PLXNA1: variants seen among roughly 807,000 people sequenced by gnomAD.
PLXNA1 encodes plexin A1.
PLXNA1 carries 77 observed loss-of-function variants against 191.7 expected under a neutral mutation model. The ratio of observed to expected loss-of-function variants is 0.40; its 90% CI spans 0.33 to 0.49. PLXNA1 has a LOEUF of 0.49. Ranked by LOEUF, PLXNA1 falls within the 20% of genes least tolerant of loss-of-function variation. The pLI, the probability that PLXNA1 is intolerant of heterozygous loss-of-function variation, is 0.63. For missense variants in PLXNA1, 2,110 were observed against 2,660.2 expected, an observed-to-expected ratio of 0.79 and a Z score of 4.55; for synonymous variants, 1,137 against 1,156.4, an observed-to-expected ratio of 0.98 and a Z score of 0.34.
chr3:127,006,196 C>T lies in PLXNA1; in HGVS notation c.1997+18C>T. The stretch of plus-strand genomic sequence containing the variant: ...CACCAGTCGTGAGTGTCTCTAGGCC[C>T]CTCCGCCCGCCTGGGCCTGGGCTAC... On this transcript the variant is annotated intron_variant, in intron 8 of 31. Transcript: ENST00000393409. The T allele has an allele frequency of 6.3e-7, 1 of 1,594,866 alleles. No homozygotes were observed. Among genetic ancestry groups the T allele is most frequent in the Non-Finnish European group, 8.6e-7 (1 of 1,163,330 alleles).
rs569459380 is a variant in PLXNA1 at position 127,022,204 on chromosome 3, C to T, written c.4158C>T (p.Arg1386=). ...EAQRSFSMRD[R]GNVASLIMTA... Reference sequence around the variant, plus strand: ...AGCGCAGCTTCTCCATGCGCGACCGCGGGAATGTGGCCTCGCTCATCATGA... The same window carrying T: ...AGCGCAGCTTCTCCATGCGCGACCGTGGGAATGTGGCCTCGCTCATCATGA... The change falls in exon 22 of 32, where the codon CGC becomes CGT. Residue 1386 remains arginine, a synonymous_variant. Transcript: ENST00000393409. The T allele has an allele frequency of 1.7e-5, 27 of 1,613,370 alleles. No homozygotes were observed. The highest frequency in any genetic ancestry group is 1.2e-4 in the African/African-American group (9 of 75,054).
At chr3:127,029,664 G>T (rs188411138) in intron 27 of PLXNA1, 128 bp downstream of exon 27, 2 of 1,127,108 alleles carry the variant, frequency 1.8e-6, no homozygotes, top group Non-Finnish European at 2.6e-6. Flanking sequence ...CCTGTCACTC[G>T]CACTCTTGGC....
chr3:127,005,425 T>C (rs910822527), intron 7 of PLXNA1, among the ~76,000 whole-genome samples, 182 bp downstream of exon 7: 5 of 152,134 alleles, frequency 3.3e-5, no homozygotes, highest in East Asian at 1.9e-4. Flanking sequence ...CCTCCAGGCA[T>C]GTAGCCAGAG....
chr3:126,984,778 A>G (rs1474779368), intron 1 of PLXNA1, among the ~76,000 whole-genome samples: 1 of 152,204 alleles, frequency 6.6e-6, no homozygotes, highest in African/African-American at 2.4e-5. Context: ...TGGCCCCCCA[A>G]GGTCGTTGCC....
chr3:127,032,275 G>A (rs569323903), intron 29 of PLXNA1, 112 bp from the exon 30 acceptor site: 32 of 1,097,782 alleles, frequency 2.9e-5, no homozygotes, highest in Admixed American at 6.7e-5. Flanking sequence ...TCGTTTCCCC[G>A]TCTGCATGGA....
chr3:126,987,767 G>A (rs1026378110), intron 1 of PLXNA1, among the ~76,000 whole-genome samples: 3 of 152,148 alleles, frequency 2.0e-5, no homozygotes, highest in African/African-American at 7.2e-5. Flanking sequence ...GGAAGGGGCC[G>A]TGTGGCGGGG....
chr3:127,005,126 G>A lies in PLXNA1; in HGVS notation c.1780G>A (p.Ala594Thr). Residue 594 changes from alanine (A) to threonine (T), a missense_variant, in exon 7 of 32, where the codon GCT becomes ACT. Ala to Thr is a moderately conservative substitution (Grantham distance 58). Coordinates refer to ENST00000393409, the MANE Select transcript of PLXNA1 (RefSeq NM_032242.4). The part of the protein sequence containing the change: ...LQAWNVPDLS[A>T]GVNCSFEDFT... ...GGCCTGGAACGTGCCTGACCTCTCA[G>A]CTGGCGTCAACTGCTCCTTCGAGGA... is the stretch of plus-strand genomic sequence containing the variant. 1 of 1,612,794 alleles carries A rather than the reference G, an allele frequency of 6.2e-7. No homozygotes were observed. The highest frequency in any genetic ancestry group is 8.5e-7 in the Non-Finnish European group (1 of 1,179,948).
chr3:127,005,355 ACT>A, intron 7 of PLXNA1, 112 bp downstream of exon 7: 2 of 1,325,572 alleles, frequency 1.5e-6, no homozygotes, highest in Non-Finnish European at 2.0e-6. Context: ...TGTTGGTGAC[ACT>A]CTGACAGCTG....
chr3:127,012,091 C>G lies in PLXNA1; in HGVS notation c.2246C>G (p.Pro749Arg), dbSNP rs1258547002. ...QRGYECLFHIPGSPARVTALR... is the reference protein window; with the variant it reads ...QRGYECLFHIRGSPARVTALR... ...GGATATGAGTGCCTCTTCCACATCC[C>G]GGGCAGCCCGGCCCGTGTCACCGCC... The change falls in exon 10 of 32, where the codon CCG becomes CGG. Residue 749 changes from proline (P) to arginine (R), a missense_variant. Pro to Arg is a moderately radical substitution (Grantham distance 103). Around this residue, in one of 4 missense-constraint regions of PLXNA1, gnomAD observed 644 missense variants for 714.3 expected, o/e 0.90. Coordinates refer to ENST00000393409, the MANE Select transcript of PLXNA1 (RefSeq NM_032242.4). The G allele has an allele frequency of 1.2e-6, 2 of 1,613,602 alleles. No homozygotes were observed. The highest frequency in any genetic ancestry group is 1.7e-5 in the Admixed American group (1 of 60,034).
At chr3:127,020,454 G>A (rs957502490) in intron 21 of PLXNA1, 110 bp downstream of exon 21, 1 of 1,365,974 alleles carries the variant, frequency 7.3e-7, no homozygotes, top group South Asian at 1.4e-5. Flanking sequence ...TGTGTGGCCT[G>A]GGGGAGGGTC....
intron 8 of PLXNA1, 49 bp from the exon 9 acceptor site, chr3:127,007,750 C>A: frequency 8.3e-7 from 1 of 1,202,758 alleles, no homozygotes; most frequent in Non-Finnish European, 1.2e-6. Flanking sequence ...ATGGGTGACT[C>A]CACGTGGTTG....
At chr3:127,015,721 C>T (rs1278055797) in intron 15 of PLXNA1, among the ~76,000 whole-genome samples, 1 of 152,176 alleles carries the variant, frequency 6.6e-6, no homozygotes, top group Admixed American at 6.5e-5. Context: ...TAAATATTTT[C>T]CTATGGTAAT....
chr3:127,017,434 G>T lies in PLXNA1; in HGVS notation c.3286G>T (p.Val1096Leu). 1 of 1,612,696 alleles carries T rather than the reference G, an allele frequency of 6.2e-7. No homozygotes were observed. The highest frequency in any genetic ancestry group is 8.5e-7 in the Non-Finnish European group (1 of 1,179,832). ...CACCCTGTGTCTCCAGGGCTGCCTG[G>T]TGTACAATGACACCACCATGGTATG... ...GGIERENGCL[V>L]YNDTTMVCRA... The change falls in exon 18 of 32, where the codon GTG becomes TTG. Residue 1096 changes from valine (V) to leucine (L), a missense_variant. This residue lies in a region of PLXNA1 where 644 missense variants were observed against 714.3 expected (regional missense o/e 0.90). Transcript: ENST00000393409.
intron 14 of PLXNA1, 136 bp downstream of exon 14, chr3:127,014,967 TC>T: frequency 7.0e-7 from 1 of 1,423,354 alleles, no homozygotes. Flanking sequence ...GTGCTGCCCC[TC>T]CCCTCCTGTG....
chr3:126,997,638 C>T (rs1248850400), intron 3 of PLXNA1, among the ~76,000 whole-genome samples: 1 of 152,248 alleles, frequency 6.6e-6, no homozygotes, highest in Admixed American at 6.5e-5. Flanking sequence ...CCCTTTCCGC[C>T]TCTCCTGGAT....
At chr3:127,030,706 G>A (rs2107638763) in intron 29 of PLXNA1, among the ~76,000 whole-genome samples, 1 of 152,354 alleles carries the variant, frequency 6.6e-6, no homozygotes, top group South Asian at 2.1e-4. Flanking sequence ...CATGAGTGTG[G>A]GCTGCAGCGT....
chr3:127,032,492 C>G lies in PLXNA1; in HGVS notation c.5337C>G (p.Thr1779=). ...TDACLSVVAQ[T]FMDSCSTSEH... ...CCTGCTTGTCGGTGGTGGCCCAGAC[C>G]TTCATGGACTCCTGCTCCACCTCTG... The change falls in exon 30 of 32, where the codon ACC becomes ACG. Residue 1779 remains threonine, a synonymous_variant. Coordinates refer to ENST00000393409, the MANE Select transcript of PLXNA1 (RefSeq NM_032242.4). The G allele has an allele frequency of 6.2e-7, 1 of 1,613,946 alleles. No homozygotes were observed. Among genetic ancestry groups the G allele is most frequent in the Non-Finnish European group, 8.5e-7 (1 of 1,180,004 alleles).
At chr3:127,030,756 T>C (rs1422948332) in intron 29 of PLXNA1, among the ~76,000 whole-genome samples, 1 of 152,134 alleles carries the variant, frequency 6.6e-6, no homozygotes, top group Non-Finnish European at 1.5e-5. Flanking sequence ...AGCCGGCTGG[T>C]TGCAGTGATG....
intron 10 of PLXNA1, 140 bp downstream of exon 10, chr3:127,012,298 C>T (rs2079099994): frequency 1.5e-5 from 13 of 875,114 alleles, no homozygotes; most frequent in Non-Finnish European, 2.1e-5. Flanking sequence ...AGAAGCCACT[C>T]CTGGCTTCCC....
Sources: allele counts gnomAD v4.1 joint callset (sites outside exome capture counted in the v4.1 genomes callset), GRCh38; gene constraint gnomAD v4.1.1; regional missense constraint gnomAD v4.1.1; transcripts MANE v1.5; gene names NCBI Gene and HGNC (gene_info 2026-07-23, HGNC 2026-07-21).